The following PLEKHG1 variants were observed in gnomAD, a reference collection of about 807,000 sequenced individuals.
PLEKHG1 encodes pleckstrin homology and RhoGEF domain containing G1, also known as pleckstrin homology domain-containing family G member 1.
Under a neutral mutation model 100.8 loss-of-function variants are expected in PLEKHG1, and 44 were observed. The ratio of observed to expected loss-of-function variants is 0.44; its 90% CI spans 0.34 to 0.56. The LOEUF (loss-of-function observed/expected upper bound fraction) is 0.56. Ranked by LOEUF, PLEKHG1 falls within the 20% of genes least tolerant of loss-of-function variation. The pLI is 0.01. For missense variants in PLEKHG1, 1,545 were observed against 1,720.9 expected (o/e 0.90, Z 1.81); for synonymous variants, 640 against 662.5 (o/e 0.97, Z 0.52).
At chr6:150,684,258 T>C (rs1423923990) in intron 3 of PLEKHG1, among the ~76,000 whole-genome samples, 1 of 152,224 alleles carries the variant, frequency 6.6e-6, no homozygotes, top group East Asian at 1.9e-4. Flanking sequence ...CCTGGGAATC[T>C]CCATCCCATT....
At chr6:150,713,062 C>A (rs1451454356) in intron 3 of PLEKHG1, among the ~76,000 whole-genome samples, 1 of 152,186 alleles carries the variant, frequency 6.6e-6, no homozygotes, top group African/African-American at 2.4e-5. Flanking sequence ...ATTCACTGCG[C>A]CCAGCATGGG....
At chr6:150,676,481 A>C (rs1779761170) in intron 3 of PLEKHG1, among the ~76,000 whole-genome samples, 1 of 152,234 alleles carries the variant, frequency 6.6e-6, no homozygotes. Flanking sequence ...TAAACTATGT[A>C]ATCCTTTTGG....
rs76202300 is a variant in PLEKHG1, at chr6:150,779,688, C to T, written c.513-6702C>T. On this transcript the variant is annotated intron_variant, in intron 3 of 15. Coordinates refer to ENST00000358517, the Ensembl canonical transcript of PLEKHG1. ...GTTGTGCTATGAGAAATAACAAGGC[C>T]GGGCGTGGTGGCTCACGCCCGTATT... Among the ~76,000 whole-genome samples the T allele has an allele frequency of 8.1e-4, 116 of 143,902 alleles. 1 individual carries two copies. The East Asian group carries it at 0.017, about 21-fold the overall frequency. The allele number at this position is 143,902 out of a possible 152,430, so 94.4% of individuals were successfully genotyped here. A position where few individuals can be genotyped will look rare whatever the true frequency, so the allele number is the denominator to read the frequency against.
chr6:150,769,649 C>T (rs1784619716), intron 3 of PLEKHG1, among the ~76,000 whole-genome samples: 1 of 149,772 alleles, frequency 6.7e-6, no homozygotes, highest in South Asian at 2.1e-4. Flanking sequence ...GACTGGTTAA[C>T]AGCACAGAAG....
chr6:150,824,166 C>T (rs972769358), intron 14 of PLEKHG1, among the ~76,000 whole-genome samples: 1 of 152,222 alleles, frequency 6.6e-6, no homozygotes, highest in Non-Finnish European at 1.5e-5. Context: ...GAGACTTTGT[C>T]ATATCAAGTT....
chr6:150,707,466 C>A (rs575464602), intron 3 of PLEKHG1, among the ~76,000 whole-genome samples: 189 of 152,194 alleles, frequency 1.2e-3, no homozygotes, highest in Non-Finnish European at 2.3e-3. Flanking sequence ...CCAGGCAGAT[C>A]ATATAAAGGA....
chr6:150,647,370 C>T (rs1209079029), intron 2 of PLEKHG1, among the ~76,000 whole-genome samples: 1 of 152,158 alleles, frequency 6.6e-6, no homozygotes, highest in Non-Finnish European at 1.5e-5. Flanking sequence ...AGCTTTGAGT[C>T]TGTTGTCTAA....
intron 1 of PLEKHG1, among the ~76,000 whole-genome samples, chr6:150,619,864 T>C (rs1263887468): frequency 6.6e-6 from 1 of 152,238 alleles, no homozygotes; most frequent in Non-Finnish European, 1.5e-5. Flanking sequence ...GCTCTCAGTT[T>C]TGGCTGAGAT....
At chr6:150,763,818 A>T (rs767894236) in intron 2 of PLEKHG1, among the ~76,000 whole-genome samples, 6 of 152,198 alleles carry the variant, frequency 3.9e-5, no homozygotes, top group Middle Eastern at 3.2e-3. Context: ...GCCACAGTGG[A>T]TGAGAAAGCA....
At chr6:150,746,272 T>G (rs949211360) in intron 2 of PLEKHG1, among the ~76,000 whole-genome samples, 2 of 152,218 alleles carry the variant, frequency 1.3e-5, no homozygotes, top group Non-Finnish European at 2.9e-5. Context: ...TATGTTCAAA[T>G]TGTTCCCTAA....
At position 150,771,415 on chromosome 6, in the gene PLEKHG1, T is replaced by TTGAA. The variant is rs112737006; in HGVS notation, c.512+2702_512+2705dup. On this transcript the variant is annotated intron_variant, in intron 3 of 15. Transcript: ENST00000358517. Reference sequence around the variant, plus strand: ...CTGGGCAACAGAGTGAGACTCCATCTTGAATGAATGAATGAATGAATGAAT... The same window carrying TTGAA: ...CTGGGCAACAGAGTGAGACTCCATCTTGAATGAATGAATGAATGAATGAATGAAT... Among the ~76,000 whole-genome samples, 1,214 of 151,828 alleles carry TTGAA rather than the reference T, an allele frequency of 8.0e-3. 17 individuals carry two copies. Among genetic ancestry groups the TTGAA allele is most frequent in the East Asian group, 0.071 (361 of 5,082 alleles).
chr6:150,666,270 G>A (rs1779392360), intron 3 of PLEKHG1, among the ~76,000 whole-genome samples: 1 of 152,170 alleles, frequency 6.6e-6, no homozygotes, highest in South Asian at 2.1e-4. Flanking sequence ...ATGCATTCAG[G>A]TTGGAATGGC....
chr6:150,831,976 TCAAA>T lies in PLEKHG1; in HGVS notation c.2868_2871del (p.Asp958GlnfsTer20), dbSNP rs1236004678. ...ACGACCTGGCCAACAGTGGCCTGTC[TCAAA>T]CAGACCCAGAAAACCCTGACCTGGG... is the stretch of plus-strand genomic sequence containing the variant. On this transcript the variant is annotated frameshift_variant, in exon 15 of 16. Transcript: ENST00000358517. LOFTEE classifies it high-confidence loss of function. This position sits in a 1 kb window ranked among gnomAD's most constrained non-coding sequence, Gnocchi z 4.1. The T allele has an allele frequency of 8.1e-6, 13 of 1,613,420 alleles. No individual in the cohort carries two copies.
At chr6:150,814,885 A>G (rs9322285) in intron 10 of PLEKHG1, among the ~76,000 whole-genome samples, 36,742 of 151,754 alleles carry the variant, frequency 0.24, 4,556 homozygotes, top group Admixed American at 0.27. Flanking sequence ...ACACCTGGCT[A>G]ATTTTTGTAT....
chr6:150,728,661 G>C (rs1220497470), intron 1 of PLEKHG1, among the ~76,000 whole-genome samples: 1 of 152,110 alleles, frequency 6.6e-6, no homozygotes, highest in Non-Finnish European at 1.5e-5. Context: ...ACTTTGGGAG[G>C]CCAAGGCGGG....
intron 3 of PLEKHG1, among the ~76,000 whole-genome samples, chr6:150,657,201 C>T (rs756399267): frequency 2.6e-5 from 4 of 151,886 alleles, no homozygotes; most frequent in African/African-American, 2.4e-5. Flanking sequence ...ATTACTTAGC[C>T]GAAGTTGTTA....
At position 150,818,102 on chromosome 6, in the gene PLEKHG1, T is replaced by C. The variant is rs143151790; in HGVS notation, c.1279-81T>C. Reference sequence around the variant, plus strand: ...GTTTTTAAAAATCTATTTATTCAGGTGGGATAAGATCTGTGTTGAGATTTG... The same window carrying C: ...GTTTTTAAAAATCTATTTATTCAGGCGGGATAAGATCTGTGTTGAGATTTG... On this transcript the variant is annotated intron_variant, in intron 10 of 15. Coordinates refer to ENST00000358517, the Ensembl canonical transcript of PLEKHG1. The C allele has an allele frequency of 6.2e-4, 623 of 1,010,320 alleles. 5 individuals are homozygous for C. In the African/African-American group the frequency reaches 8.6e-3, roughly 14 times the overall value. 62.6% of individuals were successfully genotyped at this position (1,010,320 alleles called of 1,614,324 possible). A position where few individuals can be genotyped will look rare whatever the true frequency, so the allele number is the denominator to read the frequency against.
intron 6 of PLEKHG1, among the ~76,000 whole-genome samples, chr6:150,803,540 C>A (rs1048640274): frequency 1.3e-5 from 2 of 152,124 alleles, no homozygotes; most frequent in Non-Finnish European, 2.9e-5. Flanking sequence ...AGAACTAGAA[C>A]AAAGATCCTG....
chr6:150,838,952 A>G (rs1777370141), intron 15 of PLEKHG1, among the ~76,000 whole-genome samples: 1 of 152,134 alleles, frequency 6.6e-6, no homozygotes, highest in African/African-American at 2.4e-5. Flanking sequence ...CTTAGTAGAC[A>G]TTGGTTCCCC....
Sources: allele counts gnomAD v4.1 joint callset (sites outside exome capture counted in the v4.1 genomes callset), GRCh38; gene constraint gnomAD v4.1.1; non-coding constraint Gnocchi (gnomAD v3.1); transcripts MANE v1.5; gene names NCBI Gene and HGNC (gene_info 2026-07-23, HGNC 2026-07-21).